Variants in HSPA12A observed in about 807,000 individuals in gnomAD.
The protein encoded by HSPA12A is heat shock protein family A (Hsp70) member 12A.
A neutral mutation model predicts 69.2 loss-of-function variants in HSPA12A; 28 were observed. The observed-to-expected ratio is 0.40, with a 90% CI of 0.30 to 0.55. The LOEUF (loss-of-function observed/expected upper bound fraction) is 0.55, where lower values mean the gene tolerates loss of function less well. HSPA12A is among the 20% of genes least tolerant of loss of function. The probability of loss-of-function intolerance (pLI) is 0.38; values close to 1 mark genes in which losing one functional copy is unlikely to be tolerated. For synonymous variants in HSPA12A, 345 were observed against 370.5 expected (o/e 0.93, Z 0.79); for missense variants, 686 against 900.7 (o/e 0.76, Z 3.05).
At chr10:116,746,213 C>G (rs1340283569), upstream of HSPA12A, among the ~76,000 whole-genome samples, 1 of 152,170 alleles carries the variant, frequency 6.6e-6, no homozygotes, top group Non-Finnish European at 1.5e-5. Flanking sequence ...CAAACCCCCA[C>G]CACATCCATT....
At chr10:116,746,641 AAC>A (rs1851656821), upstream of HSPA12A, among the ~76,000 whole-genome samples, 3 of 152,194 alleles carry the variant, frequency 2.0e-5, no homozygotes, top group Non-Finnish European at 4.4e-5. Context: ...ATATATGTAA[AAC>A]ATTCCATTTA....
At chr10:116,845,112 G>C (rs1014386131) in intron 1 of HSPA12A, among the ~76,000 whole-genome samples, 1 of 152,168 alleles carries the variant, frequency 6.6e-6, no homozygotes, top group African/African-American at 2.4e-5. Flanking sequence ...CTCTGTGAAA[G>C]GGGCCATCAC....
rs916510692 is a variant in HSPA12A at position 116,707,244 on chromosome 10, G to T, written c.82C>A (p.Leu28Ile). 1 of 1,612,898 alleles carries T rather than the reference G, an allele frequency of 6.2e-7. No individual in the cohort carries two copies. The highest frequency in any genetic ancestry group is 8.5e-7 in the Non-Finnish European group (1 of 1,179,730). The change falls in exon 2 of 12, where the codon CTT (leucine) becomes ATT (isoleucine). Residue 28 changes from leucine to isoleucine, a missense_variant. By Grantham distance (5) the Leu-to-Ile change is conservative. Coordinates refer to ENST00000369209, the MANE Select transcript of HSPA12A (RefSeq NM_025015.3). ...AGAGGCGTTATTCCTGTGTCCCCAA[G>T]ACTCCGGGCTGGAGATGAATATGCA... ...TSAYSSPARS[L>I]GDTGITPLSP...
chr10:116,692,518 G>C, intron 5 of HSPA12A, 51 bp from the exon 6 acceptor site: 4 of 1,433,852 alleles, frequency 2.8e-6, no homozygotes, highest in Non-Finnish European at 3.9e-6. Context: ...CTGGTTCCTG[G>C]AGCAGCCTCC....
At chr10:116,739,415 C>T (rs547051689) in intron 1 of HSPA12A, among the ~76,000 whole-genome samples, 3 of 152,270 alleles carry the variant, frequency 2.0e-5, no homozygotes, top group African/African-American at 7.2e-5. Context: ...TAAGATGAAC[C>T]TCCAGGATGG....
At chr10:116,764,727 C>T (rs1325346030) in intron 2 of HSPA12A, among the ~76,000 whole-genome samples, 1 of 151,950 alleles carries the variant, frequency 6.6e-6, no homozygotes, top group African/African-American at 2.4e-5. Context: ...CAATTTAAAT[C>T]CAAAGGGTTT....
At chr10:116,838,287 G>A (rs994311315) in intron 1 of HSPA12A, among the ~76,000 whole-genome samples, 3 of 152,156 alleles carry the variant, frequency 2.0e-5, no homozygotes, top group Admixed American at 1.3e-4. Context: ...GGGAGGGCCC[G>A]GGAGGTGGCA....
intron 2 of HSPA12A, among the ~76,000 whole-genome samples, chr10:116,793,308 C>T (rs1353795857): frequency 5.9e-5 from 9 of 152,220 alleles, no homozygotes; most frequent in East Asian, 1.9e-4. Flanking sequence ...CAGTGGCTCA[C>T]GCCTGTAATC....
chr10:116,699,063 G>T (rs533104919), intron 4 of HSPA12A, among the ~76,000 whole-genome samples: 1 of 152,138 alleles, frequency 6.6e-6, no homozygotes, highest in Non-Finnish European at 1.5e-5. Context: ...TAGGCAGCAG[G>T]TGCCACTCCC....
At chr10:116,726,001 T>C (rs1481130991) in intron 1 of HSPA12A, among the ~76,000 whole-genome samples, 2 of 129,404 alleles carry the variant, frequency 1.5e-5, no homozygotes, top group African/African-American at 5.6e-5. Context: ...TCATTCAACA[T>C]ACAAGGTTTA....
At chr10:116,679,014 AC>A (rs1340858810) in intron 10 of HSPA12A, among the ~76,000 whole-genome samples, 3 of 152,132 alleles carry the variant, frequency 2.0e-5, no homozygotes, top group Non-Finnish European at 4.4e-5. Context: ...TCGGCTTTAA[AC>A]CGTCTTCTAA....
intron 1 of HSPA12A, among the ~76,000 whole-genome samples, chr10:116,732,352 G>GACAGAAAGAAAGACAGAAAGAA: frequency 6.8e-6 from 1 of 148,012 alleles, no homozygotes; most frequent in East Asian, 2.0e-4. Context: ...AAGAAAGAAA[G>GACAGAAAGAAAGACAGAAAGAA]AGACAGAGGG....
intron 6 of HSPA12A, 51 bp downstream of exon 6, chr10:116,692,300 C>T: frequency 7.0e-7 from 1 of 1,426,280 alleles, no homozygotes; most frequent in East Asian, 2.3e-5. Context: ...CCACCCTGGA[C>T]ATCTTGAGTC....
intron 2 of HSPA12A, among the ~76,000 whole-genome samples, chr10:116,793,473 G>A (rs1043357383): frequency 6.6e-6 from 1 of 152,102 alleles, no homozygotes; most frequent in Non-Finnish European, 1.5e-5. Flanking sequence ...CAGGAAGGTG[G>A]GGTGGGAGGA....
intron 5 of HSPA12A, among the ~76,000 whole-genome samples, chr10:116,697,705 A>G (rs2132955101): frequency 6.6e-6 from 1 of 152,322 alleles, no homozygotes; most frequent in East Asian, 1.9e-4. Context: ...TTTCCATACC[A>G]TAAAATTCCC....
At chr10:116,718,234 G>C (rs1322233302) in intron 1 of HSPA12A, among the ~76,000 whole-genome samples, 1 of 152,190 alleles carries the variant, frequency 6.6e-6, no homozygotes, top group Non-Finnish European at 1.5e-5. Context: ...CTAAAGAAAG[G>C]GCCGAGGCCA....
chr10:116,763,194 C>T lies in HSPA12A; in HGVS notation c.92-55909G>A, dbSNP rs114235661. Among the ~76,000 whole-genome samples, 1,216 of 152,198 alleles carry T rather than the reference C, an allele frequency of 8.0e-3. 18 individuals are homozygous for T. The highest frequency in any genetic ancestry group is 0.027 in the African/African-American group (1,128 of 41,536). ...ACCCTGGTGTTGGTAGGAGGCAGCC[C>T]AACTTAGTATTCAACTTGAACTCAG... On this transcript the variant is annotated intron_variant, in intron 2 of 12. Transcript: ENST00000635765.
upstream of HSPA12A, among the ~76,000 whole-genome samples, chr10:116,744,877 C>T (rs1554887702): frequency 6.6e-6 from 1 of 152,200 alleles, no homozygotes; most frequent in African/African-American, 2.4e-5. Flanking sequence ...AGGAAGGGTT[C>T]CCACCTTCCT....
chr10:116,675,234 G>C lies in HSPA12A; in HGVS notation c.1575C>G (p.Pro525=), dbSNP rs782004078. ...LKGAVLFGLD[P]AVIKVRRSPL... is the part of the protein sequence containing the mutation. The stretch of plus-strand genomic sequence containing the variant: ...GCGACCGGCGCACCTTGATGACCGC[G>C]GGGTCCAGGCCAAAGAGGACGGCAC... Residue 525 remains proline, a synonymous_variant, in exon 12 of 12, where the codon CCC becomes CCG. Coordinates refer to ENST00000369209, the MANE Select transcript of HSPA12A (RefSeq NM_025015.3). The surrounding 1 kb of genome is among the most constrained non-coding windows in gnomAD (Gnocchi z 5.2). The C allele has an allele frequency of 6.2e-7, 1 of 1,613,678 alleles. No homozygotes were observed. The highest frequency in any genetic ancestry group is 1.3e-5 in the African/African-American group (1 of 75,048).
Sources: gnomAD v4.1 joint callset for allele counts (sites outside exome capture counted in the v4.1 genomes callset) on GRCh38, gnomAD v4.1.1 for gene constraint, Gnocchi (gnomAD v3.1) non-coding constraint, MANE v1.5 for transcripts, NCBI Gene and HGNC (gene_info 2026-07-23, HGNC 2026-07-21) for gene names.